Variants in TRPM3 observed in about 807,000 individuals in gnomAD.
TRPM3 encodes the protein transient receptor potential cation channel subfamily M member 3, also known as long transient receptor potential channel 3.
Under a neutral mutation model 181.2 loss-of-function variants are expected in TRPM3, and 77 were observed. That is an observed-to-expected ratio of 0.42 (90% confidence interval 0.35 to 0.51). TRPM3 has a LOEUF of 0.51. TRPM3 is among the 20% of genes least tolerant of loss of function. The pLI is 0.01. For synonymous variants in TRPM3, 745 were observed against 796.4 expected (o/e 0.94, Z 1.09); for missense variants, 1,759 against 2,196.7 (o/e 0.80, Z 3.98).
At chr9:71,137,020 G>A (rs987601568) in intron 1 of TRPM3, among the ~76,000 whole-genome samples, 5 of 152,168 alleles carry the variant, frequency 3.3e-5, no homozygotes, top group African/African-American at 1.2e-4. Context: ...TCTAGCATCT[G>A]TGTAGAAAAT....
intron 1 of TRPM3, among the ~76,000 whole-genome samples, chr9:71,245,359 G>A (rs1356006329): frequency 1.3e-5 from 2 of 150,908 alleles, no homozygotes; most frequent in Non-Finnish European, 2.9e-5. Context: ...CAGGAGAATA[G>A]CTTGAACCCA....
At chr9:71,084,444 C>T (rs564615823) in intron 1 of TRPM3, among the ~76,000 whole-genome samples, 5 of 151,866 alleles carry the variant, frequency 3.3e-5, no homozygotes, top group African/African-American at 1.2e-4. Context: ...ACAAAATCAA[C>T]GTACAAAAAT....
At chr9:70,583,529 A>G (rs1463169615) in intron 22 of TRPM3, among the ~76,000 whole-genome samples, 1 of 152,238 alleles carries the variant, frequency 6.6e-6, no homozygotes, top group Non-Finnish European at 1.5e-5. Flanking sequence ...AATTATAGGC[A>G]AGGTATTAGC....
At chr9:71,437,761 GGGAGGCTGAGGCA>G (rs1322391121) in intron 1 of TRPM3, among the ~76,000 whole-genome samples, 1 of 151,356 alleles carries the variant, frequency 6.6e-6, no homozygotes, top group Non-Finnish European at 1.5e-5. Context: ...CCAGCTACTA[GGGAGGCTGAGGCA>G]GGAGACTCAC....
At chr9:70,633,653 C>A (rs1396614048) in intron 12 of TRPM3, among the ~76,000 whole-genome samples, 2 of 152,192 alleles carry the variant, frequency 1.3e-5, no homozygotes, top group Non-Finnish European at 2.9e-5. Flanking sequence ...TAGCAAAGAT[C>A]CAGCAGGTGA....
At position 71,262,246 on chromosome 9, in the gene TRPM3, T is replaced by C. The variant is rs557525909; in HGVS notation, c.183+184407A>G. On this transcript the variant is annotated intron_variant, in intron 1 of 24. Coordinates refer to the TRPM3 transcript ENST00000357533. Reference sequence around the variant, plus strand: ...GAGGAATCTAGAGAGGCAGTCTGGCTATAGCTGCTTTGTGGTGCTGGGGTG... The same window carrying C: ...GAGGAATCTAGAGAGGCAGTCTGGCCATAGCTGCTTTGTGGTGCTGGGGTG... 2.0e-5 allele frequency among the ~76,000 whole-genome samples: 3 copies of C among 152,298 alleles called. No homozygotes were observed. In the East Asian group the frequency reaches 5.8e-4, roughly 29 times the overall value.
intron 9 of TRPM3, among the ~76,000 whole-genome samples, chr9:70,665,683 T>C (rs1027299500): frequency 6.6e-6 from 1 of 152,128 alleles, no homozygotes; most frequent in Non-Finnish European, 1.5e-5. Flanking sequence ...AGAAAAACCA[T>C]TCAATTGGGC....
intron 7 of TRPM3, among the ~76,000 whole-genome samples, chr9:70,764,281 G>T (rs2078689542): frequency 6.6e-6 from 1 of 152,152 alleles, no homozygotes; most frequent in Non-Finnish European, 1.5e-5. Context: ...AGTCTATAGA[G>T]CTCTTCAGTA....
chr9:70,838,601 A>C (rs1433878314), intron 5 of TRPM3, among the ~76,000 whole-genome samples: 1 of 152,174 alleles, frequency 6.6e-6, no homozygotes, highest in Non-Finnish European at 1.5e-5. Flanking sequence ...TTAAGGGTGA[A>C]GTTAGTCAGG....
chr9:70,819,120 G>A (rs1005733485), intron 6 of TRPM3, among the ~76,000 whole-genome samples: 2 of 152,208 alleles, frequency 1.3e-5, no homozygotes, highest in African/African-American at 2.4e-5. Flanking sequence ...CATGCTCCGA[G>A]TAGTGTTTCC....
intron 2 of TRPM3, among the ~76,000 whole-genome samples, chr9:70,863,631 G>A (rs1306340180): frequency 1.3e-5 from 2 of 152,158 alleles, no homozygotes; most frequent in East Asian, 3.9e-4. Flanking sequence ...AGGCTTAAGT[G>A]TTCTTGACGA....
chr9:70,894,280 G>T (rs546363748), intron 1 of TRPM3, among the ~76,000 whole-genome samples: 3 of 152,254 alleles, frequency 2.0e-5, no homozygotes, highest in East Asian at 3.9e-4. Context: ...CAGTGGGGTT[G>T]CCCAGGACAC....
intron 1 of TRPM3, among the ~76,000 whole-genome samples, chr9:71,241,297 C>T (rs562714805): frequency 3.3e-5 from 5 of 152,178 alleles, no homozygotes; most frequent in South Asian, 4.2e-4. Flanking sequence ...TTATGCACTT[C>T]GTAGCTCCTT....
At chr9:70,944,600 G>A (rs2096915167) in intron 1 of TRPM3, among the ~76,000 whole-genome samples, 2 of 152,152 alleles carry the variant, frequency 1.3e-5, no homozygotes, top group Non-Finnish European at 1.5e-5. Flanking sequence ...TGGGCAAAGA[G>A]TGGACCATAA....
At chr9:71,047,952 T>C (rs1358862188) in intron 1 of TRPM3, among the ~76,000 whole-genome samples, 5 of 152,160 alleles carry the variant, frequency 3.3e-5, no homozygotes, top group Non-Finnish European at 7.4e-5. Flanking sequence ...GTAGAGTGTC[T>C]GACGTATTAG....
intron 9 of TRPM3, among the ~76,000 whole-genome samples, chr9:70,649,869 A>C (rs779045327): frequency 6.6e-6 from 1 of 152,214 alleles, no homozygotes; most frequent in East Asian, 1.9e-4. Context: ...ATGAATTTTT[A>C]TCACAGCACT....
At chr9:71,172,734 C>CT (rs1307469021) in intron 1 of TRPM3, among the ~76,000 whole-genome samples, 2 of 152,142 alleles carry the variant, frequency 1.3e-5, no homozygotes, top group African/African-American at 4.8e-5. Context: ...ATTTACTGAA[C>CT]ATGCTATGCG....
chr9:70,852,905 T>C (rs1470360552), intron 3 of TRPM3, among the ~76,000 whole-genome samples: 3 of 152,226 alleles, frequency 2.0e-5, no homozygotes, highest in Non-Finnish European at 2.9e-5. Context: ...TTCCTGAGAA[T>C]GCAAGTTCAG....
At chr9:71,260,653 G>A (rs1322029355) in intron 1 of TRPM3, among the ~76,000 whole-genome samples, 1 of 152,128 alleles carries the variant, frequency 6.6e-6, no homozygotes. Context: ...TTGTGAATGG[G>A]AGTTTGCTCA....
Sources: gnomAD v4.1 joint callset for allele counts (sites outside exome capture counted in the v4.1 genomes callset) on GRCh38, gnomAD v4.1.1 for gene constraint, MANE v1.5 for transcripts, NCBI Gene and HGNC (gene_info 2026-07-23, HGNC 2026-07-21) for gene names.